The following PTPN14 variants were observed in gnomAD, a reference collection of about 807,000 sequenced individuals.
PTPN14 encodes tyrosine-protein phosphatase non-receptor type 14.
Under a neutral mutation model 126.8 loss-of-function variants are expected in PTPN14, and 53 were observed. That is an observed-to-expected ratio of 0.42 (90% CI 0.34 to 0.53). The LOEUF is 0.53. Among genes scored for constraint, PTPN14 ranks in the 20% least tolerant of loss-of-function variants. The probability of loss-of-function intolerance (pLI) is 0.08; values close to 1 mark genes in which losing one functional copy is unlikely to be tolerated. For missense variants in PTPN14, 1,257 were observed against 1,552.9 expected (o/e 0.81, Z 3.20); for synonymous variants, 630 against 599.3 (o/e 1.05, Z -0.75).
intron 6 of PTPN14, among the ~76,000 whole-genome samples, chr1:214,402,667 A>AGGGCGGGAGGGAGGGAGGGAGGGAGGG (rs1558086989): frequency 7.2e-5 from 1 of 13,814 alleles, no homozygotes; most frequent in Non-Finnish European, 1.3e-4. Context: ...GGAAGGAAGG[A>AGGGCGGGAGGGAGGGAGGGAGGGAGGG]AGGAAGGAAG....
chr1:214,545,756 A>C (rs573191897), intron 1 of PTPN14, among the ~76,000 whole-genome samples: 2 of 152,338 alleles, frequency 1.3e-5, no homozygotes, highest in East Asian at 1.9e-4. Context: ...CAGCTAACTC[A>C]ATAGATAGCA....
chr1:214,535,051 G>A (rs1481746566), intron 1 of PTPN14, among the ~76,000 whole-genome samples: 1 of 151,864 alleles, frequency 6.6e-6, no homozygotes, highest in African/African-American at 2.4e-5. Context: ...TTTGAAAAAA[G>A]GTCATGAAAA....
intron 1 of PTPN14, among the ~76,000 whole-genome samples, chr1:214,470,324 C>A (rs1660725596): frequency 6.6e-6 from 1 of 152,020 alleles, no homozygotes; most frequent in Admixed American, 6.6e-5. Flanking sequence ...ACAATGCTGA[C>A]TCCTAATTTT....
At chr1:214,466,150 C>G (rs540439087) in intron 1 of PTPN14, among the ~76,000 whole-genome samples, 5 of 151,182 alleles carry the variant, frequency 3.3e-5, no homozygotes, top group Admixed American at 1.3e-4. Flanking sequence ...TTAATAGAGC[C>G]GGGGTTTCAC....
At chr1:214,358,329 C>CAGTCAT (rs1316596624) in intron 18 of PTPN14, among the ~76,000 whole-genome samples, 1 of 151,978 alleles carries the variant, frequency 6.6e-6, no homozygotes, top group Non-Finnish European at 1.5e-5. Flanking sequence ...TACAGTGGCA[C>CAGTCAT]AGTCATAGTT....
intron 3 of PTPN14, among the ~76,000 whole-genome samples, chr1:214,416,092 T>C (rs1362657179): frequency 2.6e-5 from 4 of 152,192 alleles, no homozygotes; most frequent in African/African-American, 9.6e-5. Context: ...CAAACAGATA[T>C]TTTAACCCAT....
chr1:214,505,110 G>A (rs769142914), intron 1 of PTPN14, among the ~76,000 whole-genome samples: 6 of 151,942 alleles, frequency 3.9e-5, no homozygotes, highest in Non-Finnish European at 5.9e-5. Context: ...GGCCCCCAAC[G>A]AGAGGTCTGA....
intron 1 of PTPN14, chr1:214,532,752 C>T: frequency 1.3e-6 from 1 of 793,568 alleles, no homozygotes; most frequent in African/African-American, 1.7e-5. Context: ...TCACTGATGA[C>T]ACCAATGTCA....
intron 1 of PTPN14, chr1:214,482,901 GATAC>G: frequency 6.3e-7 from 1 of 1,592,430 alleles, no homozygotes; most frequent in South Asian, 1.1e-5. Flanking sequence ...CTTTACAGCT[GATAC>G]AGCACAGGCT....
chr1:214,392,141 A>C (rs987674772), intron 10 of PTPN14, among the ~76,000 whole-genome samples: 11 of 152,146 alleles, frequency 7.2e-5, no homozygotes, highest in Admixed American at 7.2e-4. Context: ...CCAGGCCATA[A>C]CATCGTGCTG....
intron 3 of PTPN14, among the ~76,000 whole-genome samples, chr1:214,445,770 T>G (rs1660130120): frequency 6.6e-6 from 1 of 152,210 alleles, no homozygotes; most frequent in Non-Finnish European, 1.5e-5. Flanking sequence ...AGCAATTTTC[T>G]GGCTTCCCCT....
rs575363551 is a variant in PTPN14, at chr1:214,470,851, T to TA, written c.-154-5895dup. 5.1e-3 allele frequency among the ~76,000 whole-genome samples: 670 copies of TA among 131,880 alleles called. 7 individuals carry two copies. The highest frequency in any genetic ancestry group is 0.017 in the African/African-American group (585 of 34,506). The allele number at this position is 131,880 out of a possible 152,430, so 86.5% of individuals were successfully genotyped here. On this transcript the variant is annotated intron_variant, in intron 1 of 18. Transcript: ENST00000366956. ...CAACATGGCGAAACCCCATCTCTAC[T>TA]AAAAAAAATATATATATATAAAAAT...
At chr1:214,381,005 G>C (rs1426498425) in intron 13 of PTPN14, among the ~76,000 whole-genome samples, 1 of 152,048 alleles carries the variant, frequency 6.6e-6, no homozygotes, top group Admixed American at 6.5e-5. Flanking sequence ...AAGTAGAAAT[G>C]GGGTAATTAT....
chr1:214,410,248 T>C (rs982185067), intron 5 of PTPN14, among the ~76,000 whole-genome samples: 7 of 152,138 alleles, frequency 4.6e-5, no homozygotes, highest in Middle Eastern at 3.2e-3. Context: ...TCCCCCATGT[T>C]TTCTTCTAGT....
At chr1:214,401,895 C>T in intron 6 of PTPN14, 123 bp from the exon 7 acceptor site, 1 of 753,968 alleles carries the variant, frequency 1.3e-6, no homozygotes, top group Non-Finnish European at 2.2e-6. Flanking sequence ...GCAATCATTA[C>T]CCAACTGTGA....
At chr1:214,520,291 C>T (rs918405062) in intron 1 of PTPN14, among the ~76,000 whole-genome samples, 2 of 151,882 alleles carry the variant, frequency 1.3e-5, no homozygotes, top group Admixed American at 1.3e-4. Context: ...CTACAAACTA[C>T]ATCTAAACCA....
At chr1:214,505,928 T>G (rs539830884) in intron 1 of PTPN14, among the ~76,000 whole-genome samples, 3 of 152,196 alleles carry the variant, frequency 2.0e-5, no homozygotes, top group African/African-American at 7.2e-5. Flanking sequence ...GCAGAAAATA[T>G]TCCAACTCAG....
intron 1 of PTPN14, among the ~76,000 whole-genome samples, chr1:214,497,652 T>C (rs1467951980): frequency 3.9e-5 from 6 of 152,188 alleles, no homozygotes; most frequent in African/African-American, 1.4e-4. Flanking sequence ...AGAACTAGAA[T>C]GATCTATACT....
In PTPN14 at chr1:214,357,664, G is replaced by A. The variant is rs182293046; in HGVS notation, c.*258C>T. Reference sequence around the variant, plus strand: ...TTACAATACAGATCAGTCAAGATGTGGTTCAAATGAAAAGTACTATATTAC... The same window carrying A: ...TTACAATACAGATCAGTCAAGATGTAGTTCAAATGAAAAGTACTATATTAC... On this transcript the variant is annotated 3_prime_UTR_variant, in exon 19 of 19. Coordinates refer to ENST00000366956, the MANE Select transcript of PTPN14 (RefSeq NM_005401.5). 7.1e-5 allele frequency: 21 copies of A among 297,094 alleles called. No homozygotes were observed. The East Asian group carries it at 1.4e-3, about 19-fold the overall frequency. 18.4% of individuals were successfully genotyped at this position (297,094 alleles called of 1,614,324 possible).
Sources: allele counts gnomAD v4.1 joint callset (sites outside exome capture counted in the v4.1 genomes callset), GRCh38; gene constraint gnomAD v4.1.1; transcripts MANE v1.5; gene names NCBI Gene and HGNC (gene_info 2026-07-23, HGNC 2026-07-21).